RIC3: variants seen among roughly 807,000 people sequenced by gnomAD.
RIC3 encodes RIC3 acetylcholine receptor chaperone.
A neutral mutation model predicts 27.3 loss-of-function variants in RIC3; 28 were observed. The observed-to-expected ratio is 1.02, with a 90% CI of 0.76 to 1.41. RIC3 has a LOEUF of 1.41. RIC3 is among the 40% of genes most tolerant of loss of function. RIC3 has a pLI of 0.00. For synonymous variants in RIC3, 184 were observed against 160.4 expected (o/e 1.15, Z -1.11); for missense variants, 501 against 444.7 (o/e 1.13, Z -1.14).
At position 8,126,754 on chromosome 11, in the gene RIC3, C is replaced by T. The variant is rs144870134; in HGVS notation, c.575G>A (p.Arg192Gln). 8.5e-4 allele frequency: 1,365 copies of T among 1,614,090 alleles called. 12 individuals are homozygous for T. In the African/African-American group the frequency reaches 0.016, roughly 19 times the overall value. Residue 192 changes from arginine (R) to glutamine (Q), a missense_variant, in exon 5 of 6, where the codon CGA becomes CAA. Coordinates refer to ENST00000309737, the MANE Select transcript of RIC3 (RefSeq NM_001206671.4). ...DQEKRLLHQL[R>Q]EITRVMKEGK... ...TTCTTTCATGACCCTGGTGATTTCT[C>T]GGAGCTGATGTAGCAACCGTTTCTC...
intron 1 of RIC3, among the ~76,000 whole-genome samples, chr11:8,144,595 G>T (rs1279170173): frequency 6.6e-6 from 1 of 151,730 alleles, no homozygotes; most frequent in Non-Finnish European, 1.5e-5. Flanking sequence ...CTGTAAACTA[G>T]TTCAACCATT....
intron 1 of RIC3, chr11:8,153,445 A>AT (rs1950413202): frequency 2.2e-6 from 1 of 452,078 alleles, no homozygotes; most frequent in Admixed American, 2.4e-5. Context: ...AAAAGTAATT[A>AT]TCACATAGTG....
chr11:8,146,749 G>C (rs918589300), intron 1 of RIC3, among the ~76,000 whole-genome samples: 10 of 152,126 alleles, frequency 6.6e-5, no homozygotes, highest in Non-Finnish European at 1.2e-4. Flanking sequence ...AGGGGGCGGG[G>C]TGCTTCTAGC....
intron 1 of RIC3, among the ~76,000 whole-genome samples, chr11:8,145,761 A>T (rs1044759927): frequency 1.3e-5 from 2 of 152,194 alleles, no homozygotes; most frequent in African/African-American, 4.8e-5. Flanking sequence ...GGCCAAATAA[A>T]CAGGCATGTA....
chr11:8,139,999 T>C lies in RIC3; in HGVS notation c.319A>G (p.Ile107Val). 1 of 1,614,066 alleles carries C rather than the reference T, an allele frequency of 6.2e-7. No homozygotes were observed. The highest frequency in any genetic ancestry group is 1.1e-5 in the South Asian group (1 of 91,078). Reference sequence around the variant, plus strand: ...AGAATGTACAGTATATATAAAAAAATCCCAAAACCGTAGATTGGAATAATC... The same window carrying C: ...AGAATGTACAGTATATATAAAAAAACCCCAAAACCGTAGATTGGAATAATC... Reference protein sequence around the residue: ...GQIIPIYGFGIFLYILYILFK... With the variant: ...GQIIPIYGFGVFLYILYILFK... The change falls in exon 2 of 6, where the codon ATT becomes GTT. Residue 107 changes from isoleucine to valine, a missense_variant. Coordinates refer to ENST00000309737, the MANE Select transcript of RIC3 (RefSeq NM_001206671.4).
chr11:8,138,292 C>T lies in RIC3; in HGVS notation c.407G>A (p.Gly136Glu). 3 of 1,613,334 alleles carry T rather than the reference C, an allele frequency of 1.9e-6. No individual in the cohort carries two copies. The highest frequency in any genetic ancestry group is 2.5e-6 in the Non-Finnish European group (3 of 1,179,388). ...EDGKCYTAMP[G>E]NTHRKITSFE... is the part of the protein sequence containing the mutation. ...CTTACTAATTTTCCTGTGGGTGTTT[C>T]CAGGCATGGCAGTATAGCATTTCCC... The change falls in exon 3 of 6, where the codon GGA (glycine) becomes GAA (glutamate). Residue 136 changes from glycine to glutamate, a missense_variant. By Grantham distance (98) the Gly-to-Glu change is moderately conservative (BLOSUM62 -2). Coordinates refer to ENST00000309737, the MANE Select transcript of RIC3 (RefSeq NM_001206671.4).
intron 5 of RIC3, among the ~76,000 whole-genome samples, chr11:8,123,880 C>T (rs1431261788): frequency 2.7e-5 from 4 of 150,630 alleles, no homozygotes; most frequent in Non-Finnish European, 4.4e-5. Flanking sequence ...TGCACCACCA[C>T]GCCTGGCTAA....
At chr11:8,103,840 G>A (rs762651402), downstream of RIC3, 4 of 152,542 alleles carry the variant, frequency 2.6e-5, no homozygotes, top group Middle Eastern at 3.4e-3. Context: ...CTGGTGAGAC[G>A]GAGACCCCGG....
chr11:8,101,664 TTGCC>T (rs781434649), downstream of RIC3: 7 of 1,605,004 alleles, frequency 4.4e-6, no homozygotes, highest in Admixed American at 3.4e-5. Context: ...GGAGCGGAGC[TTGCC>T]TGCCTGCCTG....
At position 8,166,257 on chromosome 11, in the gene RIC3, G is replaced by A. The variant is rs956701572; in HGVS notation, c.124+2609C>T. 2.6e-5 allele frequency among the ~76,000 whole-genome samples: 4 copies of A among 152,162 alleles called. No homozygotes were observed. In the East Asian group the frequency reaches 7.8e-4, roughly 30 times the overall value. ...TACTTTCCTTTACTAAACTGTGGCC[G>A]CCTCAAAGCATGGAGTTCGCTCATT... On this transcript the variant is annotated intron_variant, in intron 1 of 5. Transcript: ENST00000309737.
chr11:8,122,577 G>C (rs761982132), intron 5 of RIC3, among the ~76,000 whole-genome samples: 1 of 152,084 alleles, frequency 6.6e-6, no homozygotes, highest in Non-Finnish European at 1.5e-5. Flanking sequence ...AAAGTTCATA[G>C]CTACTTGAGT....
chr11:8,162,366 G>A (rs1264612616), intron 1 of RIC3, among the ~76,000 whole-genome samples: 2 of 152,214 alleles, frequency 1.3e-5, no homozygotes, highest in Non-Finnish European at 2.9e-5. Flanking sequence ...TGCTCATGAT[G>A]TCTCAACTGG....
chr11:8,114,616 A>AAAAAG (rs1564967930), intron 5 of RIC3, among the ~76,000 whole-genome samples: 6 of 151,472 alleles, frequency 4.0e-5, no homozygotes, highest in Admixed American at 1.3e-4. Context: ...CAAAAAAAAA[A>AAAAAG]AAAGAAAGAA....
rs552574872 is a variant in RIC3 at position 8,114,870 on chromosome 11, C to A, written c.671-3733G>T. Among the ~76,000 whole-genome samples, 11 of 152,028 alleles carry A rather than the reference C, an allele frequency of 7.2e-5. No individual in the cohort carries two copies. In the South Asian group the frequency reaches 2.1e-3, roughly 29 times the overall value. ...GCAATAGAGAGTATCAACAGCAGAA[C>A]TGATTGAGCAAAAGAATGAACCTTT... On this transcript the variant is annotated intron_variant, in intron 5 of 5. Coordinates refer to ENST00000309737, the MANE Select transcript of RIC3 (RefSeq NM_001206671.4).
downstream of RIC3, chr11:8,105,069 A>C (rs1220123142): frequency 6.6e-6 from 1 of 152,116 alleles, no homozygotes; most frequent in Non-Finnish European, 1.5e-5. Context: ...CTTACAATGG[A>C]GTCTGCAGTG....
At chr11:8,166,035 C>T (rs1373833481) in intron 1 of RIC3, among the ~76,000 whole-genome samples, 1 of 152,126 alleles carries the variant, frequency 6.6e-6, no homozygotes, top group African/African-American at 2.4e-5. Flanking sequence ...GCAATCCTTC[C>T]ACCACAGCCT....
chr11:8,128,747 A>T (rs1438363776), intron 4 of RIC3, among the ~76,000 whole-genome samples: 1 of 150,122 alleles, frequency 6.7e-6, no homozygotes, highest in East Asian at 1.9e-4. Context: ...AAAGTTGCAA[A>T]AACTTTTTTT....
chr11:8,093,608 G>A, the RIC3 span, among the ~76,000 whole-genome samples: 38 of 152,254 alleles, frequency 2.5e-4, no homozygotes, highest in African/African-American at 7.2e-4. Flanking sequence ...TCCCCGCAGA[G>A]CCCCCTCGTA....
rs1945108645 is a variant in RIC3, at chr11:8,110,420, T to C, written c.*278A>G. On this transcript the variant is annotated 3_prime_UTR_variant, in exon 6 of 6. Transcript: ENST00000309737. ...TGAGTGGTCCCATCTGTAATTACAA[T>C]AGACCAAACATAATTACTTAATGGA... 1.9e-6 allele frequency: 1 copy of C among 514,712 alleles called. No homozygotes were observed. The highest frequency in any genetic ancestry group is 3.6e-5 in the East Asian group (1 of 27,562). 31.9% of individuals were successfully genotyped at this position (514,712 alleles called of 1,614,324 possible). A position where few individuals can be genotyped will look rare whatever the true frequency, so the allele number is the denominator to read the frequency against.
Sources: gnomAD v4.1 joint callset for allele counts (sites outside exome capture counted in the v4.1 genomes callset) on GRCh38, gnomAD v4.1.1 for gene constraint, MANE v1.5 for transcripts, NCBI Gene and HGNC (gene_info 2026-07-23, HGNC 2026-07-21) for gene names.